The following GALNTL6 variants were observed in gnomAD, a reference collection of about 807,000 sequenced individuals.
GALNTL6 encodes polypeptide N-acetylgalactosaminyltransferase like 6, also known as polypeptide N-acetylgalactosaminyltransferase-like 6.
Under a neutral mutation model 73.7 loss-of-function variants are expected in GALNTL6, and 46 were observed. That is an observed-to-expected ratio of 0.62 (90% CI 0.49 to 0.80). The LOEUF (loss-of-function observed/expected upper bound fraction) is 0.80, where lower values mean the gene tolerates loss of function less well. Ranked by LOEUF, GALNTL6 falls within the 30% of genes least tolerant of loss-of-function variation. The probability of loss-of-function intolerance (pLI) is 0.00; values close to 1 mark genes in which losing one functional copy is unlikely to be tolerated. For synonymous variants in GALNTL6, 259 were observed against 263.7 expected (o/e 0.98, Z 0.17); for missense variants, 604 against 755.0 (o/e 0.80, Z 2.34).
chr4:172,725,526 A>G (rs1403196116), intron 5 of GALNTL6, among the ~76,000 whole-genome samples: 4 of 152,224 alleles, frequency 2.6e-5, no homozygotes, highest in Non-Finnish European at 5.9e-5. Context: ...AAGATAATCA[A>G]AATTATAAAC....
At chr4:172,496,031 T>G (rs1192669458) in intron 5 of GALNTL6, among the ~76,000 whole-genome samples, 1 of 152,234 alleles carries the variant, frequency 6.6e-6, no homozygotes, top group Admixed American at 6.5e-5. Flanking sequence ...TGCGTTTTTG[T>G]ATGTTATGAC....
intron 5 of GALNTL6, among the ~76,000 whole-genome samples, chr4:172,499,929 A>G (rs900207713): frequency 1.2e-4 from 18 of 152,226 alleles, no homozygotes; most frequent in Admixed American, 1.2e-3. Flanking sequence ...AAAAGAGCTA[A>G]TAATTCTTAC....
chr4:172,900,672 A>G (rs1746579801), intron 8 of GALNTL6, among the ~76,000 whole-genome samples: 1 of 152,226 alleles, frequency 6.6e-6, no homozygotes, highest in African/African-American at 2.4e-5. Flanking sequence ...GCATTGCTGT[A>G]TTTGCAGTGT....
chr4:172,140,971 G>A (rs975049637), intron 2 of GALNTL6, among the ~76,000 whole-genome samples: 3 of 152,032 alleles, frequency 2.0e-5, no homozygotes, highest in Admixed American at 6.5e-5. Context: ...GGTATGAAAG[G>A]ATAAAGGTGT....
chr4:172,150,527 T>C (rs974765132), intron 2 of GALNTL6, among the ~76,000 whole-genome samples: 1 of 152,216 alleles, frequency 6.6e-6, no homozygotes, highest in African/African-American at 2.4e-5. Context: ...AGTGTTCTTT[T>C]AGCCAAGTCC....
At chr4:173,036,118 G>T (rs147571264) in intron 12 of GALNTL6, among the ~76,000 whole-genome samples, 1 of 152,250 alleles carries the variant, frequency 6.6e-6, no homozygotes, top group African/African-American at 2.4e-5. Flanking sequence ...AGATTACATA[G>T]CAGGACTGAA....
intron 8 of GALNTL6, among the ~76,000 whole-genome samples, chr4:172,897,634 G>C (rs1746399170): frequency 6.6e-6 from 1 of 152,162 alleles, no homozygotes; most frequent in Non-Finnish European, 1.5e-5. Flanking sequence ...AAGCAAGATT[G>C]ATGGGACAAA....
chr4:172,879,121 A>T (rs1355094957), intron 7 of GALNTL6, among the ~76,000 whole-genome samples: 2 of 151,904 alleles, frequency 1.3e-5, no homozygotes, highest in Non-Finnish European at 3.0e-5. Flanking sequence ...CTACGGAAAC[A>T]TGTTGCAAAA....
intron 5 of GALNTL6, among the ~76,000 whole-genome samples, chr4:172,657,384 A>G (rs1348177282): frequency 6.6e-6 from 1 of 152,214 alleles, no homozygotes; most frequent in Non-Finnish European, 1.5e-5. Flanking sequence ...TTCATCTTCT[A>G]AAGGTCAGCA....
At chr4:171,926,879 A>G (rs1737999453) in intron 2 of GALNTL6, among the ~76,000 whole-genome samples, 1 of 151,936 alleles carries the variant, frequency 6.6e-6, no homozygotes, top group Admixed American at 6.6e-5. Flanking sequence ...TTTTGCACAT[A>G]GTTTCTACTT....
rs541766564 is a variant in GALNTL6, at chr4:172,311,989, T to C, written c.386+237T>C. Among the ~76,000 whole-genome samples the C allele has an allele frequency of 2.6e-5, 4 of 152,324 alleles. No individual in the cohort carries two copies. In the East Asian group the frequency reaches 7.7e-4, roughly 29 times the overall value. On this transcript the variant is annotated intron_variant, in intron 4 of 12. Coordinates refer to ENST00000506823, the MANE Select transcript of GALNTL6 (RefSeq NM_001034845.3). ...CAATACACATTTTTGTTGACTGTGT[T>C]AACTCATTAACATAAAATATTTTAA... is the stretch of plus-strand genomic sequence containing the variant.
chr4:172,830,942 T>C (rs1312736358), intron 7 of GALNTL6, among the ~76,000 whole-genome samples: 1 of 152,100 alleles, frequency 6.6e-6, no homozygotes, highest in Non-Finnish European at 1.5e-5. Context: ...GGTAGATCAC[T>C]TGAGGTCATG....
At chr4:172,331,937 A>C (rs1741140424) in intron 4 of GALNTL6, among the ~76,000 whole-genome samples, 3 of 152,136 alleles carry the variant, frequency 2.0e-5, no homozygotes, top group South Asian at 4.1e-4. Context: ...ATTTTTTAAG[A>C]AATCTCTATA....
At chr4:172,864,056 C>T (rs747084316) in intron 7 of GALNTL6, among the ~76,000 whole-genome samples, 3 of 152,176 alleles carry the variant, frequency 2.0e-5, no homozygotes, top group East Asian at 1.9e-4. Flanking sequence ...CCATGTAAGA[C>T]GTGACTTTGC....
At chr4:172,133,941 G>T (rs2111023778) in intron 2 of GALNTL6, among the ~76,000 whole-genome samples, 1 of 152,264 alleles carries the variant, frequency 6.6e-6, no homozygotes, top group South Asian at 2.1e-4. Context: ...AATGAGCAAT[G>T]TTAAAGAAGG....
chr4:172,886,165 T>C (rs113499427), intron 8 of GALNTL6, among the ~76,000 whole-genome samples: 37 of 152,334 alleles, frequency 2.4e-4, no homozygotes, highest in African/African-American at 8.9e-4. Flanking sequence ...AATTAATCCA[T>C]CAAGTGTTGG....
intron 5 of GALNTL6, among the ~76,000 whole-genome samples, chr4:172,796,085 T>G (rs1740246639): frequency 6.6e-6 from 1 of 151,592 alleles, no homozygotes; most frequent in African/African-American, 2.4e-5. Context: ...GTGATAAAAC[T>G]CAGTGATTTT....
chr4:172,491,363 G>T (rs1733887747), intron 5 of GALNTL6, among the ~76,000 whole-genome samples: 1 of 151,806 alleles, frequency 6.6e-6, no homozygotes, highest in Non-Finnish European at 1.5e-5. Context: ...AAAACAAAAG[G>T]TGAGGTAAAT....
At chr4:172,464,975 A>G (rs1235337640) in intron 5 of GALNTL6, among the ~76,000 whole-genome samples, 4 of 152,190 alleles carry the variant, frequency 2.6e-5, no homozygotes, top group Non-Finnish European at 1.5e-5. Context: ...AAGGAGGCAT[A>G]GACTTGGAAT....
Sources: allele counts gnomAD v4.1 joint callset (sites outside exome capture counted in the v4.1 genomes callset), GRCh38; gene constraint gnomAD v4.1.1; transcripts MANE v1.5; gene names NCBI Gene and HGNC (gene_info 2026-07-23, HGNC 2026-07-21).